SEC14L1: variants seen among roughly 807,000 people sequenced by gnomAD.
SEC14L1 encodes the protein SEC14-like protein 1.
Under a neutral mutation model 85.3 loss-of-function variants are expected in SEC14L1, and 48 were observed. The ratio of observed to expected loss-of-function variants is 0.56; its 90% CI spans 0.45 to 0.72. The LOEUF is 0.72. Among genes scored for constraint, SEC14L1 ranks in the 30% least tolerant of loss-of-function variants. SEC14L1 has a pLI of 0.00. For missense variants in SEC14L1, 682 were observed against 921.4 expected (o/e 0.74, Z 3.36); for synonymous variants, 391 against 355.5 (o/e 1.10, Z -1.12).
intron 3 of SEC14L1, among the ~76,000 whole-genome samples, chr17:77,158,338 C>T (rs555522475): frequency 1.3e-5 from 2 of 152,344 alleles, no homozygotes; most frequent in Admixed American, 1.3e-4. Flanking sequence ...TTCCTTTCCC[C>T]AGCCCCTGGC....
At chr17:77,142,212 C>T (rs1973086319) in intron 1 of SEC14L1, among the ~76,000 whole-genome samples, 1 of 152,120 alleles carries the variant, frequency 6.6e-6, no homozygotes, top group Non-Finnish European at 1.5e-5. Flanking sequence ...CCACCATGAC[C>T]TCTCCTCTGA....
At chr17:77,123,338 T>G (rs924860845) in intron 3 of SEC14L1, among the ~76,000 whole-genome samples, 2 of 150,898 alleles carry the variant, frequency 1.3e-5, no homozygotes, top group Non-Finnish European at 3.0e-5. Flanking sequence ...CATGAGCCAC[T>G]GTGCCCAGCT....
chr17:77,167,651 G>A (rs994666644), intron 3 of SEC14L1, among the ~76,000 whole-genome samples: 1 of 152,144 alleles, frequency 6.6e-6, no homozygotes, highest in African/African-American at 2.4e-5. Flanking sequence ...TACTGATGCA[G>A]GATTTTTTGC....
At chr17:77,197,565 A>G (rs1178545251) in intron 8 of SEC14L1, among the ~76,000 whole-genome samples, 1 of 152,084 alleles carries the variant, frequency 6.6e-6, no homozygotes, top group Non-Finnish European at 1.5e-5. Context: ...TGGCAAAAGC[A>G]CCATTGCCAG....
At chr17:77,111,491 C>T (rs576958847) in intron 3 of SEC14L1, among the ~76,000 whole-genome samples, 1 of 151,522 alleles carries the variant, frequency 6.6e-6, no homozygotes, top group East Asian at 2.0e-4. Flanking sequence ...CCAGTGCAAG[C>T]AGCCGGCAGC....
intron 3 of SEC14L1, among the ~76,000 whole-genome samples, chr17:77,157,873 G>A (rs1189008402): frequency 6.6e-6 from 1 of 151,254 alleles, no homozygotes; most frequent in Non-Finnish European, 1.5e-5. Flanking sequence ...TTTTCAACAG[G>A]CTGTATAAAT....
chr17:77,090,539 A>G (rs1043523259), intron 2 of SEC14L1, among the ~76,000 whole-genome samples: 1 of 150,994 alleles, frequency 6.6e-6, no homozygotes, highest in Non-Finnish European at 1.5e-5. Flanking sequence ...GATGGAGACT[A>G]GAAGGCTTTT....
chr17:77,151,421 G>A (rs1432204957), intron 3 of SEC14L1, among the ~76,000 whole-genome samples: 2 of 152,146 alleles, frequency 1.3e-5, no homozygotes, highest in African/African-American at 4.8e-5. Flanking sequence ...TCTCCCTTGT[G>A]TTCCGTCTCA....
At chr17:77,187,687 T>C (rs1211783805) in intron 3 of SEC14L1, among the ~76,000 whole-genome samples, 1 of 152,002 alleles carries the variant, frequency 6.6e-6, no homozygotes, top group African/African-American at 2.4e-5. Context: ...CTTATTCTTA[T>C]TACCCTATAT....
chr17:77,190,046 G>A (rs1184973544), intron 3 of SEC14L1, among the ~76,000 whole-genome samples: 1 of 152,112 alleles, frequency 6.6e-6, no homozygotes, highest in African/African-American at 2.4e-5. Flanking sequence ...CCTAGCCCAG[G>A]ATCCCAAAGA....
chr17:77,197,195 A>G (rs994768725), intron 8 of SEC14L1, among the ~76,000 whole-genome samples: 11 of 152,214 alleles, frequency 7.2e-5, no homozygotes, highest in Admixed American at 5.2e-4. Context: ...GTTATTTCGC[A>G]GGAGTTGGGG....
At chr17:77,097,968 T>G (rs774997065) in intron 3 of SEC14L1, among the ~76,000 whole-genome samples, 4 of 151,976 alleles carry the variant, frequency 2.6e-5, no homozygotes, top group Non-Finnish European at 4.4e-5. Context: ...TGAGAGTAAG[T>G]CACATGATGA....
chr17:77,196,372 T>C, intron 8 of SEC14L1, 61 bp downstream of exon 8: 1 of 999,438 alleles, frequency 1.0e-6, no homozygotes. Context: ...ATGGAATCTC[T>C]TTCTGTCATA....
rs1973381361 is a variant in SEC14L1, at chr17:77,147,846, A to G, written c.63+4187A>G. Among the ~76,000 whole-genome samples, 4 of 152,180 alleles carry G rather than the reference A, an allele frequency of 2.6e-5. No homozygotes were observed. In the South Asian group the frequency reaches 6.2e-4, roughly 24 times the overall value. On this transcript the variant is annotated intron_variant, in intron 3 of 16. Transcript: ENST00000436233. The stretch of plus-strand genomic sequence containing the variant: ...TTTTTTAAATTGAGTTATAATTTAC[A>G]TACAATGAAGTGGTCACATGTCAGG...
chr17:77,097,643 G>A (rs2143298153), intron 3 of SEC14L1, among the ~76,000 whole-genome samples: 1 of 152,092 alleles, frequency 6.6e-6, no homozygotes, highest in South Asian at 2.1e-4. Flanking sequence ...GGGGGAGTGG[G>A]GAGAATGACC....
intron 3 of SEC14L1, among the ~76,000 whole-genome samples, chr17:77,155,635 G>T (rs7225546): frequency 0.62 from 95,010 of 152,020 alleles, 30,246 homozygotes; most frequent in East Asian, 0.78. Context: ...TCTTCTGCTC[G>T]TCCTTGGGGC....
chr17:77,121,305 G>C (rs375722272), intron 3 of SEC14L1, among the ~76,000 whole-genome samples: 2 of 152,160 alleles, frequency 1.3e-5, no homozygotes, highest in Non-Finnish European at 2.9e-5. Context: ...AAAGAGATTC[G>C]GGAAGTTGGC....
chr17:77,178,609 G>A (rs887527546), intron 3 of SEC14L1, among the ~76,000 whole-genome samples: 1 of 152,158 alleles, frequency 6.6e-6, no homozygotes, highest in Admixed American at 6.6e-5. Flanking sequence ...AAGGGGGATG[G>A]TTTCGGGACG....
chr17:77,214,078 G>C lies in SEC14L1; in HGVS notation c.*55G>C. On this transcript the variant is annotated 3_prime_UTR_variant, in exon 17 of 17. Transcript: ENST00000436233. ...GGGGACGGCCGCCCCTCCTCGGACAGCCAGCTGCACCCGCCCACCCAGCGG... is the reference window on the plus strand; with the variant it reads ...GGGGACGGCCGCCCCTCCTCGGACACCCAGCTGCACCCGCCCACCCAGCGG... 6.3e-7 allele frequency: 1 copy of C among 1,578,386 alleles called. No individual in the cohort carries two copies. The highest frequency in any genetic ancestry group is 1.2e-5 in the South Asian group (1 of 86,732).
Sources: allele counts gnomAD v4.1 joint callset (sites outside exome capture counted in the v4.1 genomes callset), GRCh38; gene constraint gnomAD v4.1.1; transcripts MANE v1.5; gene names NCBI Gene and HGNC (gene_info 2026-07-23, HGNC 2026-07-21).